The following ABCA9 variants were observed in gnomAD, a reference collection of about 807,000 sequenced individuals.
ABCA9 encodes ATP-binding cassette sub-family A member 9.
A neutral mutation model predicts 205.3 loss-of-function variants in ABCA9; 183 were observed. The observed-to-expected ratio is 0.89, with a 90% CI of 0.79 to 1.01. The LOEUF is 1.01. Ranked by LOEUF, ABCA9 falls within the 50% of genes least tolerant of loss-of-function variation. ABCA9 has a pLI of 0.00. For synonymous variants in ABCA9, 651 were observed against 683.3 expected, an observed-to-expected ratio of 0.95 and a Z score of 0.74; for missense variants, 1,805 against 1,912.4, an observed-to-expected ratio of 0.94 and a Z score of 1.05.
chr17:69,058,589 C>G (rs185656671), intron 1 of ABCA9, among the ~76,000 whole-genome samples: 1 of 152,246 alleles, frequency 6.6e-6, no homozygotes, highest in East Asian at 1.9e-4. Flanking sequence ...CCTGTAATCC[C>G]AGCACTTTGG....
the ABCA9 span, among the ~76,000 whole-genome samples, chr17:69,066,567 T>C: frequency 6.6e-6 from 1 of 151,704 alleles, no homozygotes. Context: ...TGCTGCTTTT[T>C]TGGAGGGGCT....
chr17:69,020,430 C>T lies in ABCA9; in HGVS notation c.2558G>A (p.Arg853His), dbSNP rs768271528. ...RQQVCAIAKV[R>H]FLKLKKERKS... ...TCTTTCTTTCTTTAACTTTAGGAAGCGAACTTTTGCTATTGCACAGACCTG... is the reference window on the plus strand; with the variant it reads ...TCTTTCTTTCTTTAACTTTAGGAAGTGAACTTTTGCTATTGCACAGACCTG... Residue 853 changes from arginine (R) to histidine (H), a missense_variant, in exon 19 of 39, where the codon CGC becomes CAC. By Grantham distance (29) the Arg-to-His change is conservative. Transcript: ENST00000340001. The T allele has an allele frequency of 2.8e-5, 45 of 1,613,760 alleles. 1 individual carries two copies. In the African/African-American group the frequency reaches 3.6e-4, roughly 13 times the overall value.
intron 37 of ABCA9, 43 bp from the exon 38 acceptor site, chr17:68,976,233 T>C: frequency 6.4e-7 from 1 of 1,568,396 alleles, no homozygotes; most frequent in Non-Finnish European, 8.7e-7. Flanking sequence ...ATTTTTTTTT[T>C]CAGTGAGTTT....
chr17:68,991,899 T>C (rs540984550), intron 28 of ABCA9, among the ~76,000 whole-genome samples: 43 of 152,294 alleles, frequency 2.8e-4, no homozygotes, highest in African/African-American at 1.0e-3. Context: ...TTACCCATTA[T>C]TTTAGAGATT....
chr17:68,985,224 T>C lies in ABCA9; in HGVS notation c.4209-96A>G, dbSNP rs577137804. 14 of 1,528,954 alleles carry C rather than the reference T, an allele frequency of 9.2e-6. 1 individual carries two copies. Among genetic ancestry groups the C allele is most frequent in the South Asian group, 7.9e-5 (7 of 88,186 alleles). 94.7% of individuals were successfully genotyped at this position (1,528,954 alleles called of 1,614,324 possible). A position where few individuals can be genotyped will look rare whatever the true frequency, so the allele number is the denominator to read the frequency against. ...GAGAAACACGACGGTGGGGGAGGTG[T>C]TTATGAGTGGTCAGAGTGGTCATAA... On this transcript the variant is annotated intron_variant, in intron 32 of 38. Coordinates refer to ENST00000340001, the MANE Select transcript of ABCA9 (RefSeq NM_080283.4).
intron 37 of ABCA9, among the ~76,000 whole-genome samples, chr17:68,978,888 G>T (rs1242842380): frequency 6.6e-6 from 1 of 152,098 alleles, no homozygotes; most frequent in Non-Finnish European, 1.5e-5. Flanking sequence ...AGACAGGGAT[G>T]CCCTCTCTCA....
upstream of ABCA9, among the ~76,000 whole-genome samples, chr17:69,061,755 G>A (rs778330264): frequency 6.6e-6 from 1 of 152,074 alleles, no homozygotes; most frequent in Non-Finnish European, 1.5e-5. Flanking sequence ...GTCTATTTTT[G>A]AGCATCTTAT....
chr17:68,975,161 T>C lies in ABCA9; in HGVS notation c.*754A>G, dbSNP rs977698711. ...GGATGATGGTTTCCAGCTTCATCCA[T>C]GTCCCTGTGAAGAATATGAACTCAT... On this transcript the variant is annotated 3_prime_UTR_variant, in exon 39 of 39. Coordinates refer to ENST00000340001, the MANE Select transcript of ABCA9 (RefSeq NM_080283.4). The C allele has an allele frequency of 6.6e-6, 1 of 152,236 alleles. No individual in the cohort carries two copies. Among genetic ancestry groups the C allele is most frequent in the African/African-American group, 2.4e-5 (1 of 41,448 alleles). 9.4% of individuals were successfully genotyped at this position (152,236 alleles called of 1,614,324 possible). A position where few individuals can be genotyped will look rare whatever the true frequency, so the allele number is the denominator to read the frequency against.
chr17:69,056,372 G>T (rs2072070587), intron 1 of ABCA9, among the ~76,000 whole-genome samples: 3 of 152,124 alleles, frequency 2.0e-5, no homozygotes, highest in Admixed American at 6.6e-5. Flanking sequence ...GACAATCAAA[G>T]AATATTATGA....
chr17:68,983,611 G>T, intron 36 of ABCA9, 98 bp downstream of exon 36: 1 of 1,498,058 alleles, frequency 6.7e-7, no homozygotes, highest in Non-Finnish European at 9.0e-7. Flanking sequence ...TTACCATAGA[G>T]TTAAAGAACG....
intron 1 of ABCA9, among the ~76,000 whole-genome samples, chr17:69,059,734 G>A (rs976607527): frequency 1.3e-5 from 2 of 151,486 alleles, no homozygotes; most frequent in African/African-American, 2.4e-5. Context: ...GAAGGAGTCC[G>A]AGAGCCTGAG....
intron 9 of ABCA9, 150 bp from the exon 10 acceptor site, chr17:69,032,426 C>T: frequency 1.5e-6 from 1 of 682,116 alleles, no homozygotes; most frequent in East Asian, 2.9e-5. Context: ...GCTTTTGACA[C>T]ACACAGAACA....
chr17:69,026,265 C>A, intron 16 of ABCA9, 112 bp downstream of exon 16: 1 of 790,330 alleles, frequency 1.3e-6, no homozygotes. Flanking sequence ...CCATAGCTCC[C>A]TTGAAATGAA....
intron 6 of ABCA9, among the ~76,000 whole-genome samples, chr17:69,040,754 T>C (rs1239864915): frequency 6.6e-6 from 1 of 150,424 alleles, no homozygotes. Context: ...AATTTGCAAA[T>C]TGTACAAAAA....
At chr17:69,019,204 A>G (rs1244385526) in intron 19 of ABCA9, among the ~76,000 whole-genome samples, 1 of 152,040 alleles carries the variant, frequency 6.6e-6, no homozygotes, top group Non-Finnish European at 1.5e-5. Flanking sequence ...CATTGTCTCC[A>G]TATTCTACCA....
chr17:69,052,444 G>A (rs1475459230), intron 1 of ABCA9, among the ~76,000 whole-genome samples: 1 of 151,962 alleles, frequency 6.6e-6, no homozygotes, highest in Non-Finnish European at 1.5e-5. Context: ...AGGAGAGAAA[G>A]TATCAGAATC....
the ABCA9 span, among the ~76,000 whole-genome samples, chr17:69,071,328 C>T: frequency 7.5e-4 from 114 of 152,304 alleles, no homozygotes; most frequent in Non-Finnish European, 1.2e-3. Context: ...TGACAGACAG[C>T]TCATACAGAA....
intron 26 of ABCA9, among the ~76,000 whole-genome samples, chr17:68,993,639 T>G (rs2069524675): frequency 6.6e-6 from 1 of 152,218 alleles, no homozygotes; most frequent in African/African-American, 2.4e-5. Flanking sequence ...TTTTGTTTCT[T>G]GAGCTATATT....
chr17:68,985,221 G>T (rs899312658), intron 32 of ABCA9, 93 bp from the exon 33 acceptor site: 7 of 1,526,522 alleles, frequency 4.6e-6, no homozygotes, highest in Non-Finnish European at 6.3e-6. Context: ...GGTGGGGGAG[G>T]TGTTTATGAG....
Sources: gnomAD v4.1 joint callset for allele counts (sites outside exome capture counted in the v4.1 genomes callset) on GRCh38, gnomAD v4.1.1 for gene constraint, MANE v1.5 for transcripts, NCBI Gene and HGNC (gene_info 2026-07-23, HGNC 2026-07-21) for gene names.